APOBEC2: variants seen among roughly 807,000 people sequenced by gnomAD.
The protein encoded by APOBEC2 is C->U-editing enzyme APOBEC-2.
APOBEC2 carries 14 observed loss-of-function variants against 19.4 expected under a neutral mutation model. The observed-to-expected ratio is 0.72, with a 90% CI of 0.48 to 1.13. The LOEUF (loss-of-function observed/expected upper bound fraction) is 1.13. APOBEC2 is among the 50% of genes most tolerant of loss of function. The probability of loss-of-function intolerance (pLI) is 0.00; values close to 1 mark genes in which losing one functional copy is unlikely to be tolerated. For missense variants in APOBEC2, 304 were observed against 277.0 expected, an observed-to-expected ratio of 1.10 and a Z score of -0.69; for synonymous variants, 127 against 112.1, an observed-to-expected ratio of 1.13 and a Z score of -0.84.
rs758289244 is a variant in APOBEC2, at chr6:41,061,580, T to C, written c.384T>C (p.Cys128=). 3.7e-6 allele frequency: 6 copies of C among 1,614,250 alleles called. No individual in the cohort carries two copies. The highest frequency in any genetic ancestry group is 2.2e-5 in the South Asian group (2 of 91,080). The change falls in exon 2 of 3, where the codon TGT becomes TGC. Residue 128 remains cysteine, a synonymous_variant. Coordinates refer to ENST00000244669, the MANE Select transcript of APOBEC2 (RefSeq NM_006789.4). ...NVTWYVSSSP[C]AACADRIIKT... is the part of the protein sequence containing the mutation. Reference sequence around the variant, plus strand: ...CCTGGTATGTGTCCTCCAGCCCCTGTGCAGCGTGTGCTGACCGCATTATCA... The same window carrying C: ...CCTGGTATGTGTCCTCCAGCCCCTGCGCAGCGTGTGCTGACCGCATTATCA...
rs990669647 is a variant in APOBEC2, at chr6:41,064,180, G to A, written c.*101G>A. Reference sequence around the variant, plus strand: ...GCCTGTCTTCCTAATACCATTTGGAGCTGGACAACATTTGACACCAACCAA... The same window carrying A: ...GCCTGTCTTCCTAATACCATTTGGAACTGGACAACATTTGACACCAACCAA... On this transcript the variant is annotated 3_prime_UTR_variant, in exon 3 of 3. Coordinates refer to ENST00000244669, the MANE Select transcript of APOBEC2 (RefSeq NM_006789.4). 4 of 152,498 alleles carry A rather than the reference G, an allele frequency of 2.6e-5. No homozygotes were observed. Among genetic ancestry groups the A allele is most frequent in the Admixed American group, 2.6e-4 (4 of 15,266 alleles). 9.4% of individuals were successfully genotyped at this position (152,498 alleles called of 1,614,324 possible).
chr6:41,055,333 G>T (rs1273267828), intron 1 of APOBEC2, among the ~76,000 whole-genome samples: 2 of 152,240 alleles, frequency 1.3e-5, no homozygotes, highest in Non-Finnish European at 2.9e-5. Context: ...TCTGTGAACA[G>T]TTCAGGTGGG....
chr6:41,060,533 A>G (rs1001849740), intron 1 of APOBEC2, among the ~76,000 whole-genome samples: 5 of 152,252 alleles, frequency 3.3e-5, no homozygotes, highest in African/African-American at 9.6e-5. Flanking sequence ...CTGCTAAATT[A>G]TAAGCATCTG....
intron 2 of APOBEC2, 69 bp downstream of exon 2, chr6:41,061,961 G>A: frequency 1.4e-6 from 2 of 1,381,026 alleles, no homozygotes; most frequent in Non-Finnish European, 2.0e-6. Context: ...GTGAGGTCAG[G>A]TAGAATCTGT....
chr6:41,059,094 A>G (rs754058587), intron 1 of APOBEC2, among the ~76,000 whole-genome samples: 6 of 152,226 alleles, frequency 3.9e-5, no homozygotes. Flanking sequence ...AGAAAGAAAC[A>G]GTCACCTCAC....
chr6:41,062,517 C>T (rs1406895964), intron 2 of APOBEC2, among the ~76,000 whole-genome samples: 5 of 152,182 alleles, frequency 3.3e-5, no homozygotes, highest in Non-Finnish European at 7.3e-5. Context: ...AATACGGGAA[C>T]ATTTTCCTTA....
In APOBEC2 at chr6:41,053,278, C is replaced by T. The variant is rs1033267961; in HGVS notation, c.-70C>T. The T allele has an allele frequency of 5.0e-5, 77 of 1,555,176 alleles. No homozygotes were observed. Among genetic ancestry groups the T allele is most frequent in the Middle Eastern group, 2.4e-4 (1 of 4,220 alleles). On this transcript the variant is annotated 5_prime_UTR_variant, in exon 1 of 3. Coordinates refer to ENST00000244669, the MANE Select transcript of APOBEC2 (RefSeq NM_006789.4). ...TGCTGACAGCTGCTTGGGACTCTGCCGCCAGGGCCTGGCCCAGACCTGCCT... is the reference window on the plus strand; with the variant it reads ...TGCTGACAGCTGCTTGGGACTCTGCTGCCAGGGCCTGGCCCAGACCTGCCT...
At chr6:41,063,461 A>C (rs1223014939) in intron 2 of APOBEC2, among the ~76,000 whole-genome samples, 1 of 149,744 alleles carries the variant, frequency 6.7e-6, no homozygotes, top group Non-Finnish European at 1.5e-5. Context: ...TTAAAATTTA[A>C]CCCCAGTATA....
intron 1 of APOBEC2, among the ~76,000 whole-genome samples, 193 bp downstream of exon 1, chr6:41,053,671 C>T (rs1030255977): frequency 1.3e-5 from 2 of 152,106 alleles, no homozygotes; most frequent in South Asian, 4.1e-4. Context: ...CAGGGTGACA[C>T]CTTGGGCTCT....
At position 41,053,405 on chromosome 6, in the gene APOBEC2, G is replaced by A. The variant is rs1022858900; in HGVS notation, c.58G>A (p.Asp20Asn). Residue 20 changes from aspartate (D) to asparagine (N), a missense_variant, in exon 1 of 3, where the codon GAT becomes AAT. Coordinates refer to ENST00000244669, the MANE Select transcript of APOBEC2 (RefSeq NM_006789.4). Reference sequence around the variant, plus strand: ...TGAGGCTGCCTCCCAGAATGGGGAGGATCTGGAGAACCTGGACGACCCTGA... The same window carrying A: ...TGAGGCTGCCTCCCAGAATGGGGAGAATCTGGAGAACCTGGACGACCCTGA... Reference protein sequence around the residue: ...ATEAASQNGEDLENLDDPEKL... With the variant: ...ATEAASQNGENLENLDDPEKL... The A allele has an allele frequency of 1.2e-6, 2 of 1,614,088 alleles. No individual in the cohort carries two copies. The highest frequency in any genetic ancestry group is 1.7e-5 in the Admixed American group (1 of 60,018).
chr6:41,057,884 A>C (rs1762814684), intron 1 of APOBEC2, among the ~76,000 whole-genome samples: 1 of 152,088 alleles, frequency 6.6e-6, no homozygotes, highest in South Asian at 2.1e-4. Flanking sequence ...TTATCTTCCC[A>C]ATTTTTTTTC....
chr6:41,057,389 C>A (rs114553092), intron 1 of APOBEC2, among the ~76,000 whole-genome samples: 2,744 of 152,204 alleles, frequency 0.018, 42 homozygotes, highest in Non-Finnish European at 0.027. Flanking sequence ...GGTCAAAGCT[C>A]AGGTGTGAAG....
At chr6:41,060,413 A>C (rs944055039) in intron 1 of APOBEC2, among the ~76,000 whole-genome samples, 1 of 152,250 alleles carries the variant, frequency 6.6e-6, no homozygotes, top group Admixed American at 6.5e-5. Context: ...TCAAGGCCAA[A>C]CTTTCGAGAA....
In APOBEC2 at chr6:41,064,125, A is replaced by G. The variant is rs1479805782; in HGVS notation, c.*46A>G. Reference sequence around the variant, plus strand: ...GGTATTCCTGCTGCCACCAAGAGACAGCAATGACATGTACAGCCATCTGGG... The same window carrying G: ...GGTATTCCTGCTGCCACCAAGAGACGGCAATGACATGTACAGCCATCTGGG... On this transcript the variant is annotated 3_prime_UTR_variant, in exon 3 of 3. Transcript: ENST00000244669. 1.3e-5 allele frequency: 2 copies of G among 152,588 alleles called. No individual in the cohort carries two copies. Among genetic ancestry groups the G allele is most frequent in the African/African-American group, 4.8e-5 (2 of 41,428 alleles). The allele number at this position is 152,588 out of a possible 1,614,324, so 9.5% of individuals were successfully genotyped here.
intron 1 of APOBEC2, among the ~76,000 whole-genome samples, chr6:41,053,812 G>A (rs755487985): frequency 3.3e-5 from 5 of 152,182 alleles, no homozygotes; most frequent in Admixed American, 6.5e-5. Flanking sequence ...GGAGTTTGGC[G>A]AGGACAGAGG....
intron 1 of APOBEC2, among the ~76,000 whole-genome samples, chr6:41,055,992 A>T (rs78304793): frequency 0.027 from 4,168 of 152,354 alleles, 194 homozygotes; most frequent in African/African-American, 0.094. Context: ...ATTGAAAACC[A>T]GAAACCTCTG....
At position 41,061,745 on chromosome 6, in the gene APOBEC2, C is replaced by T; in HGVS notation, c.549C>T (p.Asp183=). The T allele has an allele frequency of 6.2e-7, 1 of 1,614,230 alleles. No individual in the cohort carries two copies. The highest frequency in any genetic ancestry group is 1.3e-5 in the African/African-American group (1 of 75,062). Residue 183 remains aspartate, a synonymous_variant, in exon 2 of 3, where the codon GAC becomes GAT. Coordinates refer to ENST00000244669, the MANE Select transcript of APOBEC2 (RefSeq NM_006789.4). ...AACTGCGCATCATGAAGCCCCAGGA[C>T]TTCGAATATGTCTGGCAGAATTTTG... The part of the protein sequence containing the change: ...GCKLRIMKPQ[D]FEYVWQNFVE...
Position 41,064,340 on chromosome 6 carries a change from A to G in APOBEC2, c.*261A>G, listed in dbSNP as rs1762927267. On this transcript the variant is annotated 3_prime_UTR_variant, in exon 3 of 3. Transcript: ENST00000244669. ...TGCAAGGAGAGAAATGCAACCATAC[A>G]TGGGCTCCAGTCAACTATGGGACTG... The G allele has an allele frequency of 6.6e-6, 1 of 152,254 alleles. No homozygotes were observed. Among genetic ancestry groups the G allele is most frequent in the African/African-American group, 2.4e-5 (1 of 41,444 alleles). 9.4% of individuals were successfully genotyped at this position (152,254 alleles called of 1,614,324 possible). A position where few individuals can be genotyped will look rare whatever the true frequency, so the allele number is the denominator to read the frequency against.
chr6:41,056,652 CCT>C (rs1416894245), intron 1 of APOBEC2, among the ~76,000 whole-genome samples: 2 of 152,170 alleles, frequency 1.3e-5, no homozygotes, highest in African/African-American at 2.4e-5. Flanking sequence ...GCCTGTTTCC[CCT>C]GTTAGTATTT....
Sources: gnomAD v4.1 joint callset for allele counts (sites outside exome capture counted in the v4.1 genomes callset) on GRCh38, gnomAD v4.1.1 for gene constraint, MANE v1.5 for transcripts, NCBI Gene and HGNC (gene_info 2026-07-23, HGNC 2026-07-21) for gene names.